Variants in PKD1L1 observed in about 807,000 individuals in gnomAD.
The protein encoded by PKD1L1 is polycystin-1-like protein 1.
Under a neutral mutation model 323.4 loss-of-function variants are expected in PKD1L1, and 236 were observed. The observed-to-expected ratio is 0.73, with a 90% CI of 0.66 to 0.81. The LOEUF is 0.81. Ranked by LOEUF, PKD1L1 falls within the 40% of genes least tolerant of loss-of-function variation. PKD1L1 has a pLI of 0.00. For missense variants in PKD1L1, 3,320 were observed against 3,508.0 expected, an observed-to-expected ratio of 0.95 and a Z score of 1.35; for synonymous variants, 1,344 against 1,335.0, an observed-to-expected ratio of 1.01 and a Z score of -0.15.
chr7:47,876,047 A>G (rs952775379), intron 23 of PKD1L1, 50 bp downstream of exon 23: 2 of 1,593,500 alleles, frequency 1.3e-6, no homozygotes, highest in Admixed American at 3.4e-5. Flanking sequence ...AAAAAGGTTT[A>G]GAACTGTAGG....
At position 47,899,731 on chromosome 7, in the gene PKD1L1, C is replaced by T. The variant is rs539883090; in HGVS notation, c.2065-1537G>A. The stretch of plus-strand genomic sequence containing the variant: ...CAGCACTTTGGGAGGCCAAGGTGGG[C>T]GGATCACGAGGTCAGGAGATCAAGA... On this transcript the variant is annotated intron_variant, in intron 13 of 56. Coordinates refer to ENST00000289672, the MANE Select transcript of PKD1L1 (RefSeq NM_138295.5). Among the ~76,000 whole-genome samples, 192 of 152,036 alleles carry T rather than the reference C, an allele frequency of 1.3e-3. 2 individuals carry two copies. The highest frequency in any genetic ancestry group is 4.0e-3 in the African/African-American group (167 of 41,460).
intron 8 of PKD1L1, 29 bp from the exon 9 acceptor site, chr7:47,908,279 G>A: frequency 6.3e-7 from 1 of 1,589,744 alleles, no homozygotes; most frequent in Non-Finnish European, 8.6e-7. Context: ...ACGGACACTT[G>A]ATGAATTTTT....
intron 45 of PKD1L1, among the ~76,000 whole-genome samples, chr7:47,821,834 C>T (rs887177395): frequency 6.6e-6 from 1 of 151,852 alleles, no homozygotes; most frequent in Non-Finnish European, 1.5e-5. Context: ...ATTACAGGCA[C>T]CCACCACCAC....
At chr7:47,860,824 G>A (rs114972675) in intron 26 of PKD1L1, among the ~76,000 whole-genome samples, 2,914 of 152,120 alleles carry the variant, frequency 0.019, 83 homozygotes, top group African/African-American at 0.066. Flanking sequence ...AGGGACAATG[G>A]CAGGAATGAT....
In PKD1L1 at chr7:47,809,405, A is replaced by C. The variant is rs767895822; in HGVS notation, c.7686+68T>G. ...TAGTGCATAATCAATTTCTTATTTA[A>C]ATTATTTTTTCAAGATATAAACAGT... On this transcript the variant is annotated intron_variant, in intron 51 of 56. Coordinates refer to ENST00000289672, the MANE Select transcript of PKD1L1 (RefSeq NM_138295.5). 1.9e-5 allele frequency: 23 copies of C among 1,226,268 alleles called. No homozygotes were observed. In the South Asian group the frequency reaches 3.4e-4, roughly 18 times the overall value. 76.0% of individuals were successfully genotyped at this position (1,226,268 alleles called of 1,614,324 possible). A position where few individuals can be genotyped will look rare whatever the true frequency, so the allele number is the denominator to read the frequency against.
chr7:47,781,398 TGTTTTG>T (rs1562927344), intron 56 of PKD1L1, among the ~76,000 whole-genome samples: 6 of 80,310 alleles, frequency 7.5e-5, no homozygotes, highest in Admixed American at 1.5e-4. Context: ...TTTTTTTTTT[TGTTTTG>T]TTTTGTTTTT....
chr7:47,877,610 C>G lies in PKD1L1; in HGVS notation c.3542G>C (p.Gly1181Ala). 6 of 1,614,054 alleles carry G rather than the reference C, an allele frequency of 3.7e-6. No homozygotes were observed. Among genetic ancestry groups the G allele is most frequent in the Non-Finnish European group, 8.5e-7 (1 of 1,179,962 alleles). ...GACTGTCAAGTACAGCTGAGCTTTA[C>G]CCAGTAAGCCATGCTTCGAAGCTAA... ...VSVASKHGLL[G>A]KAQLYLTVNP... The change falls in exon 22 of 57, where the codon GGT becomes GCT. Residue 1181 changes from glycine to alanine, a missense_variant. Physicochemically the swap from Gly to Ala is moderately conservative, Grantham distance 60. Coordinates refer to ENST00000289672, the MANE Select transcript of PKD1L1 (RefSeq NM_138295.5).
chr7:47,857,751 G>A lies in PKD1L1; in HGVS notation c.4444C>T (p.Gln1482Ter). 6.2e-7 allele frequency: 1 copy of A among 1,614,082 alleles called. No individual in the cohort carries two copies. Among genetic ancestry groups the A allele is most frequent in the South Asian group, 1.1e-5 (1 of 91,082 alleles). Residue 1482 changes from glutamine to a stop codon, truncating the protein, a stop_gained, in exon 28 of 57, where the codon CAG (glutamine) becomes TAG (stop). Transcript: ENST00000289672. LOFTEE classifies it high-confidence loss of function. ...TGCACCTGGACAGATCCCAGGCTCT[G>A]GACAGAGCTCTGAAGGTTGTAATGA... ...LLHYNLQSSV[Q>*]SLGSVQVHLP...
chr7:47,845,163 A>G, intron 32 of PKD1L1, 85 bp from the exon 33 acceptor site: 2 of 1,080,494 alleles, frequency 1.9e-6, no homozygotes, highest in Non-Finnish European at 2.7e-6. Flanking sequence ...TAAAGGAATG[A>G]GAAAAGGAAG....
rs141505850 is a variant in PKD1L1 at position 47,914,173 on chromosome 7, A to G, written c.1228+1259T>C. 1.5e-3 allele frequency among the ~76,000 whole-genome samples: 232 copies of G among 152,348 alleles called. 5 individuals carry two copies. In the East Asian group the frequency reaches 0.037, roughly 24 times the overall value. On this transcript the variant is annotated intron_variant, in intron 8 of 56. Transcript: ENST00000289672. Reference sequence around the variant, plus strand: ...TAAAAGAGGTCAACTAAAACAAGGCACAAACCTTTCAAGTATCAGAAGGCT... The same window carrying G: ...TAAAAGAGGTCAACTAAAACAAGGCGCAAACCTTTCAAGTATCAGAAGGCT...
intron 56 of PKD1L1, among the ~76,000 whole-genome samples, chr7:47,782,300 T>G (rs1230169861): frequency 6.6e-6 from 1 of 152,126 alleles, no homozygotes; most frequent in Non-Finnish European, 1.5e-5. Flanking sequence ...TCCTTACTCC[T>G]GCCTGGCAAC....
chr7:47,827,007 C>T (rs1045299922), intron 45 of PKD1L1, among the ~76,000 whole-genome samples: 5 of 152,224 alleles, frequency 3.3e-5, no homozygotes, highest in Non-Finnish European at 5.9e-5. Flanking sequence ...GCTAAGCACA[C>T]GTATGGGGTG....
At chr7:47,864,576 T>TTTTCTTTTTTTC (rs1786107073) in intron 26 of PKD1L1, among the ~76,000 whole-genome samples, 1 of 107,520 alleles carries the variant, frequency 9.3e-6, no homozygotes, top group Non-Finnish European at 1.9e-5. Flanking sequence ...TTTTTCTTTC[T>TTTTCTTTTTTTC]TTTCTTTCTT....
At chr7:47,927,546 G>T (rs1036971259) in intron 7 of PKD1L1, among the ~76,000 whole-genome samples, 8 of 152,092 alleles carry the variant, frequency 5.3e-5, no homozygotes, top group African/African-American at 1.9e-4. Context: ...TTACAGGCGT[G>T]AGCCACCACA....
intron 39 of PKD1L1, among the ~76,000 whole-genome samples, 192 bp downstream of exon 39, chr7:47,834,775 T>C (rs1785421387): frequency 6.6e-6 from 1 of 152,222 alleles, no homozygotes; most frequent in South Asian, 2.1e-4. Flanking sequence ...ATAAGGTTCA[T>C]ATAAATGTGG....
intron 7 of PKD1L1, among the ~76,000 whole-genome samples, chr7:47,922,952 A>C (rs1787583800): frequency 6.6e-6 from 1 of 152,248 alleles, no homozygotes; most frequent in Admixed American, 6.5e-5. Flanking sequence ...TGTAGAAAGA[A>C]GTAGACATAG....
Position 47,880,784 on chromosome 7 carries a change from G to A in PKD1L1, c.3464C>T (p.Thr1155Ile). Residue 1155 changes from threonine (T) to isoleucine (I), a missense_variant, in exon 21 of 57, where the codon ACA (threonine) becomes ATA (isoleucine). Thr to Ile is a moderately conservative substitution (Grantham distance 89, BLOSUM62 -1). Transcript: ENST00000289672. ...ACTGCTCAGAGAGTATGGCTTGATTGTCACTGTCTGTTCTGTAATACCTGC... is the reference window on the plus strand; with the variant it reads ...ACTGCTCAGAGAGTATGGCTTGATTATCACTGTCTGTTCTGTAATACCTGC... The part of the protein sequence containing the change: ...SSSGITEQTV[T>I]IKPYSLSSGE... The A allele has an allele frequency of 1.9e-6, 3 of 1,606,744 alleles. No individual in the cohort carries two copies. Among genetic ancestry groups the A allele is most frequent in the Non-Finnish European group, 1.7e-6 (2 of 1,175,780 alleles).
chr7:47,859,079 A>G (rs1583625983), intron 26 of PKD1L1, among the ~76,000 whole-genome samples, 194 bp from the exon 27 acceptor site: 1 of 152,354 alleles, frequency 6.6e-6, no homozygotes, highest in African/African-American at 2.4e-5. Flanking sequence ...TGACTGAACT[A>G]CGGGCTAAGA....
rs371169836 is a variant in PKD1L1 at position 47,931,170 on chromosome 7, G to A, written c.671C>T (p.Pro224Leu). Residue 224 changes from proline to leucine, a missense_variant, in exon 6 of 57, where the codon CCC becomes CTC. Coordinates refer to ENST00000289672, the MANE Select transcript of PKD1L1 (RefSeq NM_138295.5). ...CACTCGCTGGGAGCTGGTCTGAGTG[G>A]GTCTGGCCACCTTGGTGGGGGTCTC... ...TMETPTKVARPTQTSSQRVPL... is the reference protein window; with the variant it reads ...TMETPTKVARLTQTSSQRVPL... The A allele has an allele frequency of 1.9e-6, 3 of 1,614,064 alleles. No homozygotes were observed. Among genetic ancestry groups the A allele is most frequent in the African/African-American group, 2.7e-5 (2 of 74,908 alleles).
Sources: gnomAD v4.1 joint callset for allele counts (sites outside exome capture counted in the v4.1 genomes callset) on GRCh38, gnomAD v4.1.1 for gene constraint, MANE v1.5 for transcripts, NCBI Gene and HGNC (gene_info 2026-07-23, HGNC 2026-07-21) for gene names.